The following FMN1 variants were observed in gnomAD, a reference collection of about 807,000 sequenced individuals.
FMN1 encodes formin 1.
In FMN1, 110 loss-of-function variants were observed where a neutral mutation model predicts 132.4. The ratio of observed to expected loss-of-function variants is 0.83; its 90% CI spans 0.71 to 0.97. The LOEUF (loss-of-function observed/expected upper bound fraction) is 0.97, where lower values mean the gene tolerates loss of function less well. FMN1 is among the 50% of genes least tolerant of loss of function. The pLI is 0.00. For synonymous variants in FMN1, 722 were observed against 651.7 expected (o/e 1.11, Z -1.64); for missense variants, 1,792 against 1,705.3 (o/e 1.05, Z -0.90).
At chr15:32,796,120 C>T (rs749124715) in intron 19 of FMN1, among the ~76,000 whole-genome samples, 20 of 152,184 alleles carry the variant, frequency 1.3e-4, no homozygotes, top group Non-Finnish European at 2.5e-4. Flanking sequence ...ATGCATTCAT[C>T]TCAATTTTGT....
intron 4 of FMN1, among the ~76,000 whole-genome samples, chr15:33,148,872 G>A (rs1182854654): frequency 6.6e-6 from 1 of 151,990 alleles, no homozygotes; most frequent in Non-Finnish European, 1.5e-5. Context: ...ATTTCCCCTT[G>A]TAACAATGAT....
chr15:32,777,917 G>GCA lies in FMN1; in HGVS notation c.4131-999_4131-998insTG, dbSNP rs2056519822. On this transcript the variant is annotated intron_variant, in intron 19 of 20. Coordinates refer to ENST00000616417, the MANE Select transcript of FMN1 (RefSeq NM_001277313.2). Reference sequence around the variant, plus strand: ...TAATATATAATACATTATATATTATGTATAATATATAATACATTATATATT... The same window carrying GCA: ...TAATATATAATACATTATATATTATGCATATAATATATAATACATTATATATT... Among the ~76,000 whole-genome samples, 2 of 4,854 alleles carry GCA rather than the reference G, an allele frequency of 4.1e-4. 1 individual carries two copies. Among genetic ancestry groups the GCA allele is most frequent in the African/African-American group, 8.0e-4 (2 of 2,512 alleles). 3.2% of individuals were successfully genotyped at this position (4,854 alleles called of 152,430 possible). A position where few individuals can be genotyped will look rare whatever the true frequency, so the allele number is the denominator to read the frequency against.
At chr15:32,848,004 G>T (rs1234545476) in intron 17 of FMN1, among the ~76,000 whole-genome samples, 1 of 152,074 alleles carries the variant, frequency 6.6e-6, no homozygotes, top group Admixed American at 6.5e-5. Flanking sequence ...TCTGTGTCGG[G>T]GTAATCTGAG....
intron 17 of FMN1, among the ~76,000 whole-genome samples, chr15:32,820,648 G>A (rs755014851): frequency 1.3e-5 from 2 of 152,098 alleles, no homozygotes; most frequent in Non-Finnish European, 2.9e-5. Context: ...AAGTAGATTT[G>A]TTAGTGTTAT....
chr15:32,892,218 GA>G (rs1161700918), intron 15 of FMN1, among the ~76,000 whole-genome samples: 2 of 152,134 alleles, frequency 1.3e-5, no homozygotes, highest in Non-Finnish European at 2.9e-5. Flanking sequence ...TTATTACATT[GA>G]GATATGTCCC....
chr15:33,027,597 G>C (rs892594154), intron 6 of FMN1, among the ~76,000 whole-genome samples: 1 of 147,980 alleles, frequency 6.8e-6, no homozygotes, highest in African/African-American at 2.5e-5. Flanking sequence ...ATCTTCTGGG[G>C]TTTTGTTGTT....
At chr15:32,847,729 C>T (rs1258644935) in intron 17 of FMN1, among the ~76,000 whole-genome samples, 1 of 152,100 alleles carries the variant, frequency 6.6e-6, no homozygotes, top group East Asian at 1.9e-4. Flanking sequence ...GTGGCGGGCA[C>T]CTGTAGTCCC....
intron 7 of FMN1, among the ~76,000 whole-genome samples, chr15:32,987,503 C>A (rs979695105): frequency 1.3e-5 from 2 of 152,138 alleles, no homozygotes; most frequent in African/African-American, 4.8e-5. Flanking sequence ...TTTCTGACTG[C>A]CTGTCCTTGA....
At chr15:32,876,658 C>T (rs555543307) in intron 16 of FMN1, among the ~76,000 whole-genome samples, 1 of 152,072 alleles carries the variant, frequency 6.6e-6, no homozygotes, top group Non-Finnish European at 1.5e-5. Context: ...GTGGGAAACA[C>T]AGTTTTAAAA....
At chr15:33,180,744 CT>C (rs35033683) in intron 2 of FMN1, among the ~76,000 whole-genome samples, 3,080 of 108,158 alleles carry the variant, frequency 0.028, 115 homozygotes, top group African/African-American at 0.1. Context: ...CTCCTGCTGC[CT>C]TTTTTTTTTT....
At chr15:33,136,435 T>C (rs1963769434) in intron 4 of FMN1, among the ~76,000 whole-genome samples, 1 of 152,192 alleles carries the variant, frequency 6.6e-6, no homozygotes, top group South Asian at 2.1e-4. Context: ...ACAGACGTGT[T>C]TGGGAAGAGC....
chr15:32,975,175 T>C (rs1362652137), intron 7 of FMN1, among the ~76,000 whole-genome samples: 1 of 152,240 alleles, frequency 6.6e-6, no homozygotes, highest in Non-Finnish European at 1.5e-5. Flanking sequence ...TTAATTCTGC[T>C]TGACAAAAGT....
At chr15:33,098,403 C>G (rs758924787) in intron 4 of FMN1, among the ~76,000 whole-genome samples, 1 of 152,182 alleles carries the variant, frequency 6.6e-6, no homozygotes, top group Non-Finnish European at 1.5e-5. Flanking sequence ...CCCACCTCCC[C>G]CTCTCTAGGC....
chr15:32,925,834 G>A (rs540718570), intron 10 of FMN1, among the ~76,000 whole-genome samples: 1 of 152,288 alleles, frequency 6.6e-6, no homozygotes, highest in East Asian at 1.9e-4. Context: ...GCCAAGGTGG[G>A]CAGATTGCAT....
At chr15:32,801,602 TAAAAACAAAAACAA>T (rs1404075463) in intron 18 of FMN1, among the ~76,000 whole-genome samples, 37 of 151,470 alleles carry the variant, frequency 2.4e-4, no homozygotes, top group South Asian at 6.3e-4. Context: ...CCATCTCTAC[TAAAAACAAAAACAA>T]AAAAACAAAA....
At chr15:33,065,100 A>C (rs1293076518) in intron 5 of FMN1, 26 bp from the exon 6 acceptor site, 2 of 1,499,742 alleles carry the variant, frequency 1.3e-6, no homozygotes, top group South Asian at 2.4e-5. Context: ...GCAAATAGTA[A>C]GTGGAATGTA....
At chr15:32,968,606 T>G (rs886700225) in intron 8 of FMN1, 108 bp downstream of exon 8, 73 of 1,502,704 alleles carry the variant, frequency 4.9e-5, no homozygotes, top group Non-Finnish European at 6.2e-5. Flanking sequence ...GTATCACACT[T>G]GATAATGGGT....
At chr15:33,067,368 AAAC>A in intron 5 of FMN1, 1 of 1,613,924 alleles carries the variant, frequency 6.2e-7, no homozygotes, top group Non-Finnish European at 8.5e-7. Context: ...GGCTCAGATA[AAAC>A]ACCACTAGGG....
intron 17 of FMN1, among the ~76,000 whole-genome samples, chr15:32,822,369 A>C (rs1046379828): frequency 2.0e-5 from 3 of 150,020 alleles, no homozygotes; most frequent in Non-Finnish European, 4.5e-5. Flanking sequence ...AACAAACAAA[A>C]AAGATGATCT....
Sources: gnomAD v4.1 joint callset for allele counts (sites outside exome capture counted in the v4.1 genomes callset) on GRCh38, gnomAD v4.1.1 for gene constraint, MANE v1.5 for transcripts, NCBI Gene and HGNC (gene_info 2026-07-23, HGNC 2026-07-21) for gene names.